BCO2: variants seen among roughly 807,000 people sequenced by gnomAD.
BCO2 encodes the protein carotenoid-cleaving dioxygenase, mitochondrial.
In BCO2, 56 loss-of-function variants were observed where a neutral mutation model predicts 65.8. That is an observed-to-expected ratio of 0.85 (90% confidence interval 0.69 to 1.06). BCO2 has a LOEUF of 1.06. Ranked by LOEUF, BCO2 falls within the 50% of genes least tolerant of loss-of-function variation. The probability of loss-of-function intolerance (pLI) is 0.00; values close to 1 mark genes in which losing one functional copy is unlikely to be tolerated. For missense variants in BCO2, 675 were observed against 698.5 expected, an observed-to-expected ratio of 0.97 and a Z score of 0.38; for synonymous variants, 233 against 242.3, an observed-to-expected ratio of 0.96 and a Z score of 0.36.
intron 6 of BCO2, among the ~76,000 whole-genome samples, 173 bp downstream of exon 6, chr11:112,200,000 C>T (rs1353407461): frequency 6.6e-6 from 1 of 152,024 alleles, no homozygotes; most frequent in African/African-American, 2.4e-5. Flanking sequence ...TACTCCTGAC[C>T]CTAGCCAGCT....
Position 112,214,860 on chromosome 11 carries a change from G to A in BCO2, c.1431G>A (p.Lys477=). 1 of 1,614,166 alleles carries A rather than the reference G, an allele frequency of 6.2e-7. No individual in the cohort carries two copies. The highest frequency in any genetic ancestry group is 8.5e-7 in the Non-Finnish European group (1 of 1,180,020). ...QIYYDRFSGK[K]YHFFYGCGFR... ...ACTATGATCGATTCAGTGGCAAAAA[G>A]TATCATTTCTTTTATGGCTGTGGCT... Residue 477 remains lysine, a synonymous_variant, in exon 10 of 12, where the codon AAG becomes AAA. Transcript: ENST00000357685.
In BCO2 at chr11:112,217,969, G is replaced by T. The variant is rs1365045803; in HGVS notation, c.*95G>T. The T allele has an allele frequency of 4.6e-6, 4 of 869,080 alleles. No homozygotes were observed. In the East Asian group the frequency reaches 1.0e-4, roughly 23 times the overall value. 53.8% of individuals were successfully genotyped at this position (869,080 alleles called of 1,614,324 possible). The stretch of plus-strand genomic sequence containing the variant: ...TAAACACTGAGGACTCCAAAAGGGG[G>T]GCAAGGAGGAAGAGGGGCAGGGGTT... On this transcript the variant is annotated 3_prime_UTR_variant, in exon 12 of 12. Coordinates refer to ENST00000357685, the MANE Select transcript of BCO2 (RefSeq NM_031938.7).
At chr11:112,194,219 C>G (rs1867491570) in intron 4 of BCO2, 1 of 496,646 alleles carries the variant, frequency 2.0e-6, no homozygotes, top group East Asian at 3.5e-5. Flanking sequence ...TATCTGAAGG[C>G]TAGGGTAAAG....
At chr11:112,183,337 G>C in intron 2 of BCO2, 1 of 575,218 alleles carries the variant, frequency 1.7e-6, no homozygotes, top group South Asian at 2.2e-5. Context: ...TGTTCTCAGC[G>C]GTGCATAATG....
At chr11:112,180,959 T>C in intron 2 of BCO2, 1 of 1,175,490 alleles carries the variant, frequency 8.5e-7, no homozygotes, top group East Asian at 2.3e-5. Context: ...TGATGTTTTG[T>C]TTGTTTGTGA....
intron 8 of BCO2, among the ~76,000 whole-genome samples, chr11:112,211,646 AAAT>A (rs1859516080): frequency 6.6e-6 from 1 of 152,174 alleles, no homozygotes; most frequent in Non-Finnish European, 1.5e-5. Flanking sequence ...GGTTTTAAAA[AAAT>A]AATAACCATC....
intron 2 of BCO2, among the ~76,000 whole-genome samples, chr11:112,192,971 A>ATT: frequency 1.9e-5 from 1 of 52,386 alleles, no homozygotes. Context: ...GGAGAATGTA[A>ATT]ATTATTCTTT....
In BCO2 at chr11:112,175,548, C is replaced by A; in HGVS notation, c.-54C>A. 1.5e-6 allele frequency: 2 copies of A among 1,370,252 alleles called. No homozygotes were observed. The highest frequency in any genetic ancestry group is 1.2e-5 in the South Asian group (1 of 85,414). The allele number at this position is 1,370,252 out of a possible 1,614,324, so 84.9% of individuals were successfully genotyped here. A position where few individuals can be genotyped will look rare whatever the true frequency, so the allele number is the denominator to read the frequency against. ...TGCGTGTTCACTGTTTAGTAGTACT[C>A]AAAACTGCCAGTGTGAGAGGATTTG... On this transcript the variant is annotated 5_prime_UTR_variant, in exon 1 of 12. Transcript: ENST00000357685.
At chr11:112,211,207 G>T (rs1859498503) in intron 8 of BCO2, among the ~76,000 whole-genome samples, 1 of 151,974 alleles carries the variant, frequency 6.6e-6, no homozygotes, top group Non-Finnish European at 1.5e-5. Flanking sequence ...TACAATACTT[G>T]TCCTTTTGTG....
intron 8 of BCO2, among the ~76,000 whole-genome samples, chr11:112,211,258 C>T (rs1859499627): frequency 1.3e-5 from 2 of 151,586 alleles, no homozygotes; most frequent in East Asian, 3.9e-4. Context: ...CAAAGTTCAT[C>T]TATGTTGTAG....
chr11:112,193,790 T>C, intron 3 of BCO2, 89 bp from the exon 4 acceptor site: 1 of 1,486,946 alleles, frequency 6.7e-7, no homozygotes, highest in Non-Finnish European at 9.4e-7. Flanking sequence ...TGTGAGAGGA[T>C]GTTGAAACTG....
chr11:112,179,712 C>G, intron 2 of BCO2: 1 of 513,484 alleles, frequency 1.9e-6, no homozygotes, highest in South Asian at 2.2e-5. Flanking sequence ...TGGTTTGTAC[C>G]AAAAGAAGAG....
At chr11:112,178,207 GC>G (rs2135343115) in intron 1 of BCO2, among the ~76,000 whole-genome samples, 1 of 152,100 alleles carries the variant, frequency 6.6e-6, no homozygotes, top group East Asian at 1.9e-4. Flanking sequence ...GAACCACCGT[GC>G]CCCGCTGGAA....
At position 112,189,402 on chromosome 11, in the gene BCO2, A is replaced by AG. The variant is rs1566774962; in HGVS notation, c.294-4072_294-4071insG. Among the ~76,000 whole-genome samples, 8 of 121,468 alleles carry AG rather than the reference A, an allele frequency of 6.6e-5. No homozygotes were observed. In the East Asian group the frequency reaches 1.8e-3, roughly 27 times the overall value. The allele number at this position is 121,468 out of a possible 152,430, so 79.7% of individuals were successfully genotyped here. On this transcript the variant is annotated intron_variant, in intron 2 of 11. Coordinates refer to ENST00000357685, the MANE Select transcript of BCO2 (RefSeq NM_031938.7). ...AATTAAACAAAATTGATAGAAAAGG[A>AG]AATTTTTTTTTTTTTTTTTTTGAGA...
At chr11:112,189,404 A>AGT (rs1566774989) in intron 2 of BCO2, among the ~76,000 whole-genome samples, 1 of 79,456 alleles carries the variant, frequency 1.3e-5, no homozygotes, top group Non-Finnish European at 2.7e-5. Context: ...AGAAAAGGAA[A>AGT]TTTTTTTTTT....
chr11:112,193,382 T>A (rs1020592318), intron 2 of BCO2, 92 bp from the exon 3 acceptor site: 10 of 1,190,586 alleles, frequency 8.4e-6, no homozygotes, highest in Admixed American at 4.2e-5. Context: ...CATTTCCTTA[T>A]CTTTATATTT....
chr11:112,180,922 T>A (rs1867022962), intron 2 of BCO2: 1 of 1,101,246 alleles, frequency 9.1e-7, no homozygotes, highest in Admixed American at 1.7e-5. Flanking sequence ...GTGGACTGAT[T>A]GATGATATTG....
chr11:112,191,320 T>G (rs1310608882), intron 2 of BCO2, among the ~76,000 whole-genome samples: 1 of 152,074 alleles, frequency 6.6e-6, no homozygotes, highest in Non-Finnish European at 1.5e-5. Context: ...GGATGTAAAA[T>G]TAACACACTG....
At chr11:112,200,004 G>A (rs763149986) in intron 6 of BCO2, among the ~76,000 whole-genome samples, 177 bp downstream of exon 6, 5 of 152,076 alleles carry the variant, frequency 3.3e-5, no homozygotes, top group African/African-American at 1.2e-4. Flanking sequence ...CCTGACCCTA[G>A]CCAGCTGACT....
Sources: allele counts gnomAD v4.1 joint callset (sites outside exome capture counted in the v4.1 genomes callset), GRCh38; gene constraint gnomAD v4.1.1; transcripts MANE v1.5; gene names NCBI Gene and HGNC (gene_info 2026-07-23, HGNC 2026-07-21).